Variants in DEUP1 observed in about 807,000 individuals in gnomAD.
DEUP1 encodes deuterosome assembly protein 1.
A neutral mutation model predicts 87.4 loss-of-function variants in DEUP1; 82 were observed. That is an observed-to-expected ratio of 0.94 (90% confidence interval 0.78 to 1.13). The LOEUF (loss-of-function observed/expected upper bound fraction) is 1.13. DEUP1 is among the 50% of genes most tolerant of loss of function. The probability of loss-of-function intolerance (pLI) is 0.00; values close to 1 mark genes in which losing one functional copy is unlikely to be tolerated. For missense variants in DEUP1, 663 were observed against 681.5 expected (o/e 0.97, Z 0.30); for synonymous variants, 214 against 222.7 (o/e 0.96, Z 0.35).
At chr11:93,366,628 G>A (rs1416973656) in intron 5 of DEUP1, among the ~76,000 whole-genome samples, 1 of 152,192 alleles carries the variant, frequency 6.6e-6, no homozygotes, top group South Asian at 2.1e-4. Context: ...GTACATCTGA[G>A]AAGAATAAGG....
rs781742562 is a variant in DEUP1 at position 93,370,202 on chromosome 11, C to T, written c.546+16C>T. 5 of 1,258,086 alleles carry T rather than the reference C, an allele frequency of 4.0e-6. No individual in the cohort carries two copies. The South Asian group carries it at 5.2e-5, about 13-fold the overall frequency. The allele number at this position is 1,258,086 out of a possible 1,614,324, so 77.9% of individuals were successfully genotyped here. A position where few individuals can be genotyped will look rare whatever the true frequency, so the allele number is the denominator to read the frequency against. On this transcript the variant is annotated intron_variant, in intron 6 of 13. Transcript: ENST00000298050. ...TCAGTTTCAGGTAAGTTATCTAATA[C>T]TATTCTCTAAATCAAAAGCAGAAGT...
intron 13 of DEUP1, among the ~76,000 whole-genome samples, chr11:93,419,941 A>G (rs929405917): frequency 1.3e-4 from 20 of 152,068 alleles, no homozygotes; most frequent in Admixed American, 6.6e-5. Flanking sequence ...CAACCAAAAA[A>G]GGTCCAGGAC....
intron 2 of DEUP1, among the ~76,000 whole-genome samples, chr11:93,341,387 T>A (rs988634632): frequency 6.6e-6 from 1 of 152,192 alleles, no homozygotes; most frequent in African/African-American, 2.4e-5. Context: ...AAGTGCCTTT[T>A]ACCTCCTGCC....
chr11:93,383,844 T>G (rs1361042972), intron 7 of DEUP1, among the ~76,000 whole-genome samples: 1 of 152,180 alleles, frequency 6.6e-6, no homozygotes. Flanking sequence ...GATTATTTTT[T>G]CATCCTGAAT....
At chr11:93,412,706 AT>A (rs1323478549) in intron 12 of DEUP1, among the ~76,000 whole-genome samples, 10 of 151,952 alleles carry the variant, frequency 6.6e-5, no homozygotes, top group East Asian at 1.9e-4. Flanking sequence ...ATCGCTACTA[AT>A]TTTTTTTCAC....
At chr11:93,360,819 A>G (rs148447462) in intron 4 of DEUP1, among the ~76,000 whole-genome samples, 2 of 151,228 alleles carry the variant, frequency 1.3e-5, no homozygotes, top group African/African-American at 4.9e-5. Context: ...AATTTATATC[A>G]TCAGAGAACC....
At chr11:93,354,443 C>T (rs1944781358) in intron 2 of DEUP1, among the ~76,000 whole-genome samples, 1 of 152,158 alleles carries the variant, frequency 6.6e-6, no homozygotes, top group South Asian at 2.1e-4. Flanking sequence ...TACCCAGTTC[C>T]AAAGTTGCTT....
intron 11 of DEUP1, among the ~76,000 whole-genome samples, chr11:93,402,248 GA>G (rs557065135): frequency 4.0e-4 from 60 of 151,812 alleles, no homozygotes; most frequent in African/African-American, 1.4e-3. Flanking sequence ...ACAGGTATAT[GA>G]AAAAAAATTC....
chr11:93,343,212 T>C (rs1380728562), intron 2 of DEUP1, among the ~76,000 whole-genome samples: 1 of 152,208 alleles, frequency 6.6e-6, no homozygotes, highest in Non-Finnish European at 1.5e-5. Flanking sequence ...AAAACAGATT[T>C]TATCAATGTG....
intron 2 of DEUP1, chr11:93,352,465 C>G (rs1944674306): frequency 1.5e-6 from 1 of 685,604 alleles, no homozygotes; most frequent in African/African-American, 1.8e-5. Flanking sequence ...AGCTGTTATA[C>G]TAAGCATTTT....
intron 5 of DEUP1, among the ~76,000 whole-genome samples, chr11:93,366,213 GTAGT>G (rs1227355742): frequency 6.6e-6 from 1 of 152,184 alleles, no homozygotes; most frequent in African/African-American, 2.4e-5. Flanking sequence ...TAAGTTGATG[GTAGT>G]TAAACTGGGT....
chr11:93,400,616 A>G (rs917393996), intron 11 of DEUP1, among the ~76,000 whole-genome samples: 2 of 152,128 alleles, frequency 1.3e-5, no homozygotes, highest in African/African-American at 4.8e-5. Flanking sequence ...GGATTTCAAC[A>G]TGTCTTTTTG....
At chr11:93,419,556 C>A (rs1236281960) in intron 13 of DEUP1, among the ~76,000 whole-genome samples, 1 of 152,130 alleles carries the variant, frequency 6.6e-6, no homozygotes, top group Non-Finnish European at 1.5e-5. Context: ...ATTTTCTAGG[C>A]ACCACCAACT....
In DEUP1 at chr11:93,394,552, CAGA is replaced by C; in HGVS notation, c.1138_1140del (p.Lys380del). ...CTCTGACCTAACAGAAGAGCTTCAT[CAGA>C]AGGAGATCACTATAGCAACTGTCAC... On this transcript the variant is annotated inframe_deletion, in exon 10 of 14. Coordinates refer to ENST00000298050, the MANE Select transcript of DEUP1 (RefSeq NM_181645.4). 1.2e-6 allele frequency: 2 copies of C among 1,612,708 alleles called. No individual in the cohort carries two copies. The highest frequency in any genetic ancestry group is 1.7e-6 in the Non-Finnish European group (2 of 1,179,228).
chr11:93,410,059 A>T (rs1682638174), intron 12 of DEUP1, among the ~76,000 whole-genome samples: 1 of 152,152 alleles, frequency 6.6e-6, no homozygotes, highest in South Asian at 2.1e-4. Flanking sequence ...ATTAAAAAAA[A>T]ATGTTCAACA....
chr11:93,385,274 A>C, intron 7 of DEUP1, 124 bp from the exon 8 acceptor site: 1 of 868,580 alleles, frequency 1.2e-6, no homozygotes, highest in Non-Finnish European at 1.8e-6. Context: ...AGACAGAACA[A>C]GCAAAGGACT....
intron 3 of DEUP1, among the ~76,000 whole-genome samples, chr11:93,356,489 G>T (rs548213857): frequency 2.6e-5 from 4 of 152,072 alleles, no homozygotes; most frequent in South Asian, 4.2e-4. Context: ...AAATCCTTAG[G>T]AACTGCTCTT....
At chr11:93,419,110 C>A (rs1409137615) in intron 13 of DEUP1, among the ~76,000 whole-genome samples, 1 of 151,560 alleles carries the variant, frequency 6.6e-6, no homozygotes, top group Non-Finnish European at 1.5e-5. Context: ...TGCAGTGCAC[C>A]AGCATGTCAC....
intron 2 of DEUP1, 27 bp downstream of exon 2, chr11:93,332,315 T>C (rs754389844): frequency 3.8e-6 from 6 of 1,595,212 alleles, no homozygotes; most frequent in Non-Finnish European, 5.1e-6. Flanking sequence ...TTCTGTTTAA[T>C]AAGTATGTGC....
Sources: gnomAD v4.1 joint callset for allele counts (sites outside exome capture counted in the v4.1 genomes callset) on GRCh38, gnomAD v4.1.1 for gene constraint, MANE v1.5 for transcripts, NCBI Gene and HGNC (gene_info 2026-07-23, HGNC 2026-07-21) for gene names.